Variants in CMSS1 observed in about 807,000 individuals in gnomAD.
The protein encoded by CMSS1 is cms1 ribosomal small subunit homolog.
CMSS1 carries 33 observed loss-of-function variants against 43.5 expected under a neutral mutation model. The observed-to-expected ratio is 0.76, with a 90% CI of 0.57 to 1.01. The LOEUF (loss-of-function observed/expected upper bound fraction) is 1.01. CMSS1 is among the 50% of genes least tolerant of loss of function. The pLI is 0.00. For missense variants in CMSS1, 313 were observed against 326.4 expected, an observed-to-expected ratio of 0.96 and a Z score of 0.32; for synonymous variants, 115 against 117.2, an observed-to-expected ratio of 0.98 and a Z score of 0.12.
Position 99,969,778 on chromosome 3 carries a change from G to A in CMSS1, c.64+151735G>A, listed in dbSNP as rs560792679. ...CTGTGACCATGGAGATGAAGAAGGTGAGGAATTTATAGTTTATTGGATGGC... is the reference window on the plus strand; with the variant it reads ...CTGTGACCATGGAGATGAAGAAGGTAAGGAATTTATAGTTTATTGGATGGC... On this transcript the variant is annotated intron_variant, in intron 1 of 9. Coordinates refer to ENST00000421999, the MANE Select transcript of CMSS1 (RefSeq NM_032359.4). Among the ~76,000 whole-genome samples, 3 of 152,262 alleles carry A rather than the reference G, an allele frequency of 2.0e-5. No homozygotes were observed. In the East Asian group the frequency reaches 5.8e-4, roughly 29 times the overall value.
intron 1 of CMSS1, among the ~76,000 whole-genome samples, chr3:100,104,181 G>T (rs904322738): frequency 6.6e-6 from 1 of 152,144 alleles, no homozygotes; most frequent in Non-Finnish European, 1.5e-5. Flanking sequence ...CCCATTGCCA[G>T]TCATGCCAAG....
At chr3:99,835,223 C>T (rs1942847688) in intron 1 of CMSS1, among the ~76,000 whole-genome samples, 1 of 152,210 alleles carries the variant, frequency 6.6e-6, no homozygotes. Flanking sequence ...TTCTAATCAC[C>T]TTTGACCCAG....
chr3:99,991,081 G>T (rs985233858), intron 1 of CMSS1, among the ~76,000 whole-genome samples: 1 of 152,162 alleles, frequency 6.6e-6, no homozygotes, highest in Non-Finnish European at 1.5e-5. Flanking sequence ...CTGGGGGTCA[G>T]TCCTGACATA....
intron 1 of CMSS1, among the ~76,000 whole-genome samples, chr3:100,123,183 C>T (rs1275185805): frequency 6.6e-6 from 1 of 152,180 alleles, no homozygotes; most frequent in Non-Finnish European, 1.5e-5. Context: ...GAGCGAACCT[C>T]AGATGTCAGA....
chr3:99,876,099 G>GGGGCC (rs1705501178), intron 1 of CMSS1: 4 of 986,338 alleles, frequency 4.1e-6, no homozygotes, highest in East Asian at 2.3e-4. Context: ...GGGCCGGGCG[G>GGGGCC]GGGCCGGGCC....
At chr3:100,177,132 G>A (rs1483548516) in intron 9 of CMSS1, among the ~76,000 whole-genome samples, 2 of 152,074 alleles carry the variant, frequency 1.3e-5, no homozygotes, top group African/African-American at 4.8e-5. Flanking sequence ...CTATCAAAGA[G>A]GCTTGGAAAT....
At chr3:99,853,812 TGTCTA>T (rs1943825299) in intron 1 of CMSS1, among the ~76,000 whole-genome samples, 1 of 152,242 alleles carries the variant, frequency 6.6e-6, no homozygotes, top group Non-Finnish European at 1.5e-5. Context: ...GACAGTCAGC[TGTCTA>T]GTCTAGTAAA....
At chr3:99,888,832 T>C (rs966773990) in intron 1 of CMSS1, among the ~76,000 whole-genome samples, 2 of 152,244 alleles carry the variant, frequency 1.3e-5, no homozygotes, top group Non-Finnish European at 2.9e-5. Context: ...CTAAGAACTT[T>C]AGCTTGTCTC....
At chr3:99,964,926 C>G (rs994264269) in intron 1 of CMSS1, among the ~76,000 whole-genome samples, 1 of 152,116 alleles carries the variant, frequency 6.6e-6, no homozygotes, top group African/African-American at 2.4e-5. Context: ...GTTTCCCAGG[C>G]TTTAAGACTC....
chr3:100,050,618 A>G (rs1384703540), intron 1 of CMSS1, among the ~76,000 whole-genome samples: 2 of 152,068 alleles, frequency 1.3e-5, no homozygotes, highest in Non-Finnish European at 2.9e-5. Flanking sequence ...TGCAACCTCC[A>G]TCTCCCAGGT....
At chr3:99,952,252 T>C (rs1311472656) in intron 1 of CMSS1, among the ~76,000 whole-genome samples, 2 of 152,152 alleles carry the variant, frequency 1.3e-5, no homozygotes, top group Admixed American at 6.5e-5. Flanking sequence ...AAAATTTGTC[T>C]CCTAAATCAA....
chr3:100,049,211 C>T (rs944869736), intron 1 of CMSS1, among the ~76,000 whole-genome samples: 1 of 152,170 alleles, frequency 6.6e-6, no homozygotes, highest in African/African-American at 2.4e-5. Flanking sequence ...ATTATAGAAA[C>T]GTGGCAATAA....
intron 1 of CMSS1, among the ~76,000 whole-genome samples, chr3:99,980,142 C>G (rs912558444): frequency 1.3e-5 from 2 of 152,106 alleles, no homozygotes; most frequent in Non-Finnish European, 2.9e-5. Flanking sequence ...GTGAGACATG[C>G]AGTAGTACCT....
At chr3:99,972,147 A>G (rs1226044023) in intron 1 of CMSS1, among the ~76,000 whole-genome samples, 2 of 152,216 alleles carry the variant, frequency 1.3e-5, no homozygotes, top group Non-Finnish European at 2.9e-5. Flanking sequence ...ATAGACTGAT[A>G]TGCAAAGTGT....
intron 1 of CMSS1, among the ~76,000 whole-genome samples, chr3:99,828,277 A>G (rs1161372279): frequency 6.6e-6 from 1 of 152,070 alleles, no homozygotes; most frequent in Non-Finnish European, 1.5e-5. Flanking sequence ...ATCTCTTAGC[A>G]TGTTTTCTCA....
intron 9 of CMSS1, 120 bp from the exon 10 acceptor site, chr3:100,178,185 C>G: frequency 1.7e-6 from 1 of 579,352 alleles, no homozygotes; most frequent in Non-Finnish European, 3.1e-6. Context: ...GACTTTTGCA[C>G]TCTCTGATTC....
intron 1 of CMSS1, among the ~76,000 whole-genome samples, chr3:99,954,833 A>C (rs1708274237): frequency 6.6e-6 from 1 of 151,986 alleles, no homozygotes; most frequent in Non-Finnish European, 1.5e-5. Context: ...CTCAAAAAAA[A>C]AGAAAAAAAA....
chr3:99,973,970 T>C (rs1708896414), intron 1 of CMSS1, among the ~76,000 whole-genome samples: 1 of 152,236 alleles, frequency 6.6e-6, no homozygotes, highest in South Asian at 2.1e-4. Context: ...TAACCCACAG[T>C]TCCAAATAGC....
At chr3:100,159,431 A>C (rs1410056796) in intron 2 of CMSS1, among the ~76,000 whole-genome samples, 1 of 152,224 alleles carries the variant, frequency 6.6e-6, no homozygotes, top group African/African-American at 2.4e-5. Flanking sequence ...GCTGTCTGCA[A>C]GCTTTCATAG....
Sources: allele counts gnomAD v4.1 joint callset (sites outside exome capture counted in the v4.1 genomes callset), GRCh38; gene constraint gnomAD v4.1.1; transcripts MANE v1.5; gene names NCBI Gene and HGNC (gene_info 2026-07-23, HGNC 2026-07-21).